The following AFAP1L2 variants were observed in gnomAD, a reference collection of about 807,000 sequenced individuals.
AFAP1L2 encodes actin filament-associated protein 1-like 2.
Under a neutral mutation model 99.3 loss-of-function variants are expected in AFAP1L2, and 46 were observed. The ratio of observed to expected loss-of-function variants is 0.46; its 90% CI spans 0.37 to 0.59. The LOEUF (loss-of-function observed/expected upper bound fraction) is 0.59. AFAP1L2 is among the 20% of genes least tolerant of loss of function. The pLI, the probability that AFAP1L2 is intolerant of heterozygous loss-of-function variation, is 0.00. For missense variants in AFAP1L2, 959 were observed against 1,034.9 expected, an observed-to-expected ratio of 0.93 and a Z score of 1.01; for synonymous variants, 397 against 419.1, an observed-to-expected ratio of 0.95 and a Z score of 0.64.
In AFAP1L2 at chr10:114,306,665, G is replaced by A. The variant is rs147635414; in HGVS notation, c.1072+1140C>T. Reference sequence around the variant, plus strand: ...ACCCGTCACAATCCTCTGGACCACAGAGAACTTTGGATCATGAGAGGTGGG... The same window carrying A: ...ACCCGTCACAATCCTCTGGACCACAAAGAACTTTGGATCATGAGAGGTGGG... On this transcript the variant is annotated intron_variant, in intron 10 of 18. Coordinates refer to ENST00000304129, the MANE Select transcript of AFAP1L2 (RefSeq NM_001001936.3). Among the ~76,000 whole-genome samples, 352 of 152,154 alleles carry A rather than the reference G, an allele frequency of 2.3e-3. 2 individuals are homozygous for A. Among genetic ancestry groups the A allele is most frequent in the African/African-American group, 8.2e-3 (340 of 41,476 alleles).
intron 18 of AFAP1L2, chr10:114,296,665 C>T (rs1264452638): frequency 1.0e-5 from 3 of 299,202 alleles, no homozygotes; most frequent in Non-Finnish European, 1.3e-5. Flanking sequence ...GGTTTGAAAA[C>T]TCAGTCATAA....
At chr10:114,388,683 C>T (rs2056803317) in intron 1 of AFAP1L2, among the ~76,000 whole-genome samples, 1 of 152,158 alleles carries the variant, frequency 6.6e-6, no homozygotes. Flanking sequence ...TGTGTGAATA[C>T]CTGGATATTC....
chr10:114,389,771 C>G (rs1327110353), intron 1 of AFAP1L2, among the ~76,000 whole-genome samples: 1 of 152,218 alleles, frequency 6.6e-6, no homozygotes, highest in African/African-American at 2.4e-5. Flanking sequence ...TAGGGATAGT[C>G]TGTTATCACA....
At chr10:114,370,567 G>A (rs931151519) in intron 1 of AFAP1L2, among the ~76,000 whole-genome samples, 5 of 152,214 alleles carry the variant, frequency 3.3e-5, no homozygotes, top group Non-Finnish European at 7.3e-5. Context: ...GCTAAATCCT[G>A]CCCCGTGTAT....
chr10:114,391,217 T>G (rs908548533), intron 1 of AFAP1L2, among the ~76,000 whole-genome samples: 2 of 151,370 alleles, frequency 1.3e-5, no homozygotes, highest in Non-Finnish European at 2.9e-5. Context: ...TGTTTCTTTC[T>G]TTTCTTTTTT....
At chr10:114,382,480 C>A (rs2055781985) in intron 1 of AFAP1L2, among the ~76,000 whole-genome samples, 1 of 150,814 alleles carries the variant, frequency 6.6e-6, no homozygotes, top group African/African-American at 2.4e-5. Flanking sequence ...ACGGGAAGGA[C>A]AAAGACAGGC....
chr10:114,302,387 T>G lies in AFAP1L2; in HGVS notation c.1382A>C (p.Asp461Ala), dbSNP rs373180152. The part of the protein sequence containing the change: ...DPEEFTYDYV[D>A]ADRVSCIVSA... The stretch of plus-strand genomic sequence containing the variant: ...CACAATACAGGAGACCCTATCGGCA[T>G]CCACATAGTCGTAGGTGAACTCTTC... The change falls in exon 12 of 19, where the codon GAT (aspartate) becomes GCT (alanine). Residue 461 changes from aspartate (D) to alanine (A), a missense_variant. Asp to Ala is a moderately radical substitution (Grantham distance 126). Around this residue, in one of 2 missense-constraint regions of AFAP1L2, gnomAD observed 576 missense variants for 562.1 expected, o/e 1.02. Coordinates refer to ENST00000304129, the MANE Select transcript of AFAP1L2 (RefSeq NM_001001936.3). 6.2e-7 allele frequency: 1 copy of G among 1,614,152 alleles called. No homozygotes were observed. Among genetic ancestry groups the G allele is most frequent in the Non-Finnish European group, 8.5e-7 (1 of 1,180,030 alleles).
chr10:114,371,603 T>C (rs1482647590), intron 1 of AFAP1L2, among the ~76,000 whole-genome samples: 2 of 150,346 alleles, frequency 1.3e-5, no homozygotes, highest in Non-Finnish European at 3.0e-5. Context: ...TAAGTGGGAG[T>C]TGAACAATGA....
Position 114,297,114 on chromosome 10 carries a change from A to T in AFAP1L2, c.2308-14T>A, listed in dbSNP as rs1228333702. ...GACAGCTTTGGGCTGTGGTTATAGGAGGAGAGCAAGGGCTGAGTCAAGGGG... is the reference window on the plus strand; with the variant it reads ...GACAGCTTTGGGCTGTGGTTATAGGTGGAGAGCAAGGGCTGAGTCAAGGGG... On this transcript the variant is annotated splice_polypyrimidine_tract_variant and intron_variant, in intron 17 of 18. Transcript: ENST00000304129. 1 of 1,613,736 alleles carries T rather than the reference A, an allele frequency of 6.2e-7. No homozygotes were observed. Among genetic ancestry groups the T allele is most frequent in the Non-Finnish European group, 8.5e-7 (1 of 1,179,834 alleles).
At chr10:114,321,379 C>T (rs751687078) in intron 5 of AFAP1L2, among the ~76,000 whole-genome samples, 1 of 152,190 alleles carries the variant, frequency 6.6e-6, no homozygotes, top group Non-Finnish European at 1.5e-5. Flanking sequence ...TCCTGAGTTA[C>T]TTCACTTAGA....
chr10:114,289,665 C>A, the AFAP1L2 span: 1 of 672,794 alleles, frequency 1.5e-6, no homozygotes. Context: ...TAGGCATAAC[C>A]ATCCTATTTG....
At chr10:114,301,501 C>T (rs746857695) in intron 12 of AFAP1L2, 36 bp from the exon 13 acceptor site, 18 of 1,501,632 alleles carry the variant, frequency 1.2e-5, no homozygotes, top group African/African-American at 2.8e-5. Flanking sequence ...ATGAAGCAGC[C>T]GGGGCAGGGT....
intron 2 of AFAP1L2, among the ~76,000 whole-genome samples, chr10:114,338,255 G>A (rs997372821): frequency 6.6e-6 from 1 of 152,218 alleles, no homozygotes; most frequent in African/African-American, 2.4e-5. Flanking sequence ...GGCCAGGGCA[G>A]GTGGAGACTT....
intron 1 of AFAP1L2, among the ~76,000 whole-genome samples, chr10:114,390,931 G>C (rs1347552557): frequency 1.3e-5 from 2 of 152,100 alleles, no homozygotes; most frequent in African/African-American, 4.8e-5. Context: ...TCAGATACTT[G>C]TCAGCCTTTT....
At chr10:114,313,055 G>A (rs1347869929) in intron 7 of AFAP1L2, among the ~76,000 whole-genome samples, 2 of 152,014 alleles carry the variant, frequency 1.3e-5, no homozygotes, top group Non-Finnish European at 2.9e-5. Flanking sequence ...GTGGCAGGTG[G>A]AGTGGGGTGG....
intron 1 of AFAP1L2, among the ~76,000 whole-genome samples, chr10:114,375,923 G>A (rs1590701216): frequency 6.6e-6 from 1 of 152,266 alleles, no homozygotes; most frequent in African/African-American, 2.4e-5. Context: ...TCACACCACT[G>A]CATTCCGGCC....
chr10:114,391,105 T>C (rs1422565231), intron 1 of AFAP1L2, among the ~76,000 whole-genome samples: 1 of 152,218 alleles, frequency 6.6e-6, no homozygotes, highest in Non-Finnish European at 1.5e-5. Flanking sequence ...CAGCTGCCTA[T>C]TAATTTTGTC....
chr10:114,282,637 G>A, the AFAP1L2 span: 1 of 1,433,456 alleles, frequency 7.0e-7, no homozygotes, highest in Non-Finnish European at 9.8e-7. Flanking sequence ...TTTGTAAAGT[G>A]GCTTTTACAA....
At chr10:114,359,204 A>G (rs1039117286) in intron 1 of AFAP1L2, among the ~76,000 whole-genome samples, 4 of 152,234 alleles carry the variant, frequency 2.6e-5, no homozygotes, top group Admixed American at 2.6e-4. Context: ...CAGGTTTATG[A>G]GCAAATCCAG....
Sources: gnomAD v4.1 joint callset for allele counts (sites outside exome capture counted in the v4.1 genomes callset) on GRCh38, gnomAD v4.1.1 for gene constraint, gnomAD v4.1.1 regional missense constraint, MANE v1.5 for transcripts, NCBI Gene and HGNC (gene_info 2026-07-23, HGNC 2026-07-21) for gene names.